The following KIF15 variants were observed in gnomAD, a reference collection of about 807,000 sequenced individuals.
KIF15 encodes kinesin family member 15, also known as kinesin-like protein KIF15.
A neutral mutation model predicts 190.6 loss-of-function variants in KIF15; 140 were observed. That is an observed-to-expected ratio of 0.73 (90% CI 0.64 to 0.84). KIF15 has a LOEUF of 0.84. Ranked by LOEUF, KIF15 falls within the 40% of genes least tolerant of loss-of-function variation. The pLI, the probability that KIF15 is intolerant of heterozygous loss-of-function variation, is 0.00. For synonymous variants in KIF15, 528 were observed against 551.3 expected, an observed-to-expected ratio of 0.96 and a Z score of 0.59; for missense variants, 1,372 against 1,584.4, an observed-to-expected ratio of 0.87 and a Z score of 2.28.
chr3:44,814,158 C>T (rs894411763), intron 19 of KIF15, among the ~76,000 whole-genome samples: 33 of 152,156 alleles, frequency 2.2e-4, no homozygotes, highest in African/African-American at 7.7e-4. Context: ...TTAACTAATA[C>T]TATTTGCAGT....
At chr3:44,821,484 C>T (rs868471286) in intron 20 of KIF15, among the ~76,000 whole-genome samples, 40 of 145,422 alleles carry the variant, frequency 2.8e-4, no homozygotes, top group African/African-American at 7.2e-4. Flanking sequence ...ACATCCCAGA[C>T]GGGGCGGCGG....
intron 23 of KIF15, 35 bp from the exon 24 acceptor site, chr3:44,828,179 A>G: frequency 6.7e-7 from 1 of 1,498,146 alleles, no homozygotes; most frequent in Non-Finnish European, 9.3e-7. Context: ...TTGCGATTTA[A>G]TTATTCTTCT....
At chr3:44,814,029 A>C (rs977566662) in intron 19 of KIF15, among the ~76,000 whole-genome samples, 6 of 152,242 alleles carry the variant, frequency 3.9e-5, no homozygotes, top group Non-Finnish European at 7.3e-5. Flanking sequence ...AGATGTGGGA[A>C]TATCATTTGA....
rs1006033364 is a variant in KIF15, at chr3:44,814,835, T to C, written c.2384-76T>C. On this transcript the variant is annotated intron_variant, in intron 19 of 34. Transcript: ENST00000326047. Reference sequence around the variant, plus strand: ...GTCTCTTCGACTTGATTTTGCTAATTGTGGGACTAGTACCTATCAGATTTA... The same window carrying C: ...GTCTCTTCGACTTGATTTTGCTAATCGTGGGACTAGTACCTATCAGATTTA... The C allele has an allele frequency of 3.5e-6, 4 of 1,144,368 alleles. No individual in the cohort carries two copies. The Admixed American group carries it at 1.2e-4, about 33-fold the overall frequency. The allele number at this position is 1,144,368 out of a possible 1,614,324, so 70.9% of individuals were successfully genotyped here.
intron 30 of KIF15, among the ~76,000 whole-genome samples, chr3:44,847,007 G>A (rs1309420666): frequency 2.0e-5 from 3 of 152,174 alleles, no homozygotes; most frequent in Non-Finnish European, 2.9e-5. Flanking sequence ...TTGAATAGCT[G>A]TGGCAGAGAC....
intron 24 of KIF15, among the ~76,000 whole-genome samples, chr3:44,829,603 CA>C (rs1697924215): frequency 7.6e-5 from 2 of 26,416 alleles, no homozygotes; most frequent in Admixed American, 5.1e-4. Flanking sequence ...ATTATATATG[CA>C]TATATATTAT....
chr3:44,805,187 T>A lies in KIF15; in HGVS notation c.1829+19T>A. ...TTACTAGGTAAAGTCTAAATACACA[T>A]GCATGCACACTTATTTTCTTTCAGT... is the stretch of plus-strand genomic sequence containing the variant. On this transcript the variant is annotated intron_variant, in intron 15 of 34. Transcript: ENST00000326047. 2 of 1,594,278 alleles carry A rather than the reference T, an allele frequency of 1.3e-6. No individual in the cohort carries two copies. The highest frequency in any genetic ancestry group is 2.3e-5 in the South Asian group (2 of 87,580).
intron 24 of KIF15, 30 bp from the exon 25 acceptor site, chr3:44,829,941 G>A (rs777847462): frequency 2.2e-6 from 3 of 1,365,938 alleles, no homozygotes; most frequent in South Asian, 2.8e-5. Context: ...ATGTCATTGG[G>A]TATGAAGATA....
At chr3:44,794,170 T>A in intron 7 of KIF15, 47 bp from the exon 8 acceptor site, 1 of 1,513,330 alleles carries the variant, frequency 6.6e-7, no homozygotes, top group Non-Finnish European at 9.1e-7. Context: ...CATAAGCCAC[T>A]GTAACTGGTC....
At chr3:44,865,396 T>G in intron 6 of KIF15, 1 of 585,530 alleles carries the variant, frequency 1.7e-6, no homozygotes, top group Admixed American at 3.0e-5. Context: ...TGTACAGTGC[T>G]TTGGATTCTT....
chr3:44,799,752 G>T (rs1428702996), intron 10 of KIF15, among the ~76,000 whole-genome samples: 3 of 144,390 alleles, frequency 2.1e-5, no homozygotes, highest in Middle Eastern at 3.6e-3. Flanking sequence ...CATTTAGTGT[G>T]GTAAAAAATT....
At chr3:44,821,467 A>G (rs866906771) in intron 20 of KIF15, among the ~76,000 whole-genome samples, 2,734 of 122,774 alleles carry the variant, frequency 0.022, 74 homozygotes, top group African/African-American at 0.079. Flanking sequence ...GGGTAGAGGC[A>G]CTCCTCACAT....
chr3:44,775,514 GGCAT>G, intron 3 of KIF15, 77 bp downstream of exon 3: 1 of 1,115,788 alleles, frequency 9.0e-7, no homozygotes, highest in Admixed American at 2.5e-5. Context: ...GGAGTGCAGT[GGCAT>G]GATCTCGGCT....
intron 5 of KIF15, among the ~76,000 whole-genome samples, chr3:44,783,352 G>A (rs1228385683): frequency 6.6e-6 from 1 of 152,052 alleles, no homozygotes; most frequent in Non-Finnish European, 1.5e-5. Context: ...GGTGAGAGAG[G>A]AAAGTGAGAG....
At chr3:44,865,108 T>C (rs1699307035) in intron 6 of KIF15, 5 of 1,613,948 alleles carry the variant, frequency 3.1e-6, no homozygotes, top group Non-Finnish European at 4.2e-6. Flanking sequence ...TGTTCCTTAT[T>C]CTCTGCGGAC....
rs7633203 is a variant in KIF15, at chr3:44,783,020, T to C, written c.362-1825T>C. Among the ~76,000 whole-genome samples the C allele has an allele frequency of 7.7e-3, 1,165 of 152,284 alleles. 17 individuals carry two copies. The highest frequency in any genetic ancestry group is 0.026 in the African/African-American group (1,061 of 41,546). On this transcript the variant is annotated intron_variant, in intron 5 of 34. Transcript: ENST00000326047. ...AACAAATAGGAAGTACATGATCTGA[T>C]ATTAAAAGGATTACTCAGGCAGCTA... is the stretch of plus-strand genomic sequence containing the variant.
At chr3:44,842,802 TAATA>T (rs1698668724) in intron 29 of KIF15, among the ~76,000 whole-genome samples, 1 of 152,238 alleles carries the variant, frequency 6.6e-6, no homozygotes, top group African/African-American at 2.4e-5. Context: ...AGAATCTACG[TAATA>T]AATAGAATCG....
chr3:44,840,654 G>GTTTTTT (rs1698547601), intron 28 of KIF15, among the ~76,000 whole-genome samples, 198 bp downstream of exon 28: 1 of 135,146 alleles, frequency 7.4e-6, no homozygotes, highest in Non-Finnish European at 1.6e-5. Flanking sequence ...CTAAGCAGCG[G>GTTTTTT]ATTTTTTTTT....
chr3:44,771,792 T>C (rs557660181), intron 1 of KIF15, among the ~76,000 whole-genome samples: 1 of 152,342 alleles, frequency 6.6e-6, no homozygotes, highest in African/African-American at 2.4e-5. Flanking sequence ...TATAATACCC[T>C]TTTGAATTTA....
Sources: allele counts gnomAD v4.1 joint callset (sites outside exome capture counted in the v4.1 genomes callset), GRCh38; gene constraint gnomAD v4.1.1; transcripts MANE v1.5; gene names NCBI Gene and HGNC (gene_info 2026-07-23, HGNC 2026-07-21).